SLC2A13: variants seen among roughly 807,000 people sequenced by gnomAD.
SLC2A13 encodes proton myo-inositol cotransporter.
SLC2A13 carries 32 observed loss-of-function variants against 64.4 expected under a neutral mutation model. The ratio of observed to expected loss-of-function variants is 0.50; its 90% CI spans 0.37 to 0.67. The LOEUF (loss-of-function observed/expected upper bound fraction) is 0.67, where lower values mean the gene tolerates loss of function less well. Among genes scored for constraint, SLC2A13 ranks in the 30% least tolerant of loss-of-function variants. SLC2A13 has a pLI of 0.00. For missense variants in SLC2A13, 743 were observed against 829.2 expected (o/e 0.90, Z 1.28); for synonymous variants, 338 against 327.1 (o/e 1.03, Z -0.36).
At chr12:40,076,187 A>G (rs959527783) in intron 1 of SLC2A13, among the ~76,000 whole-genome samples, 7 of 152,142 alleles carry the variant, frequency 4.6e-5, no homozygotes, top group African/African-American at 1.7e-4. Flanking sequence ...TGTTTTCTTA[A>G]AAGTGCAGGT....
intron 3 of SLC2A13, among the ~76,000 whole-genome samples, chr12:39,998,563 C>T (rs965945303): frequency 3.9e-5 from 6 of 152,178 alleles, no homozygotes; most frequent in Non-Finnish European, 8.8e-5. Context: ...TGTGTGAGAC[C>T]TGTAGCCCCT....
chr12:39,891,751 G>A (rs969815701), intron 4 of SLC2A13, among the ~76,000 whole-genome samples: 1 of 152,144 alleles, frequency 6.6e-6, no homozygotes, highest in Non-Finnish European at 1.5e-5. Context: ...CTCAGATCAG[G>A]GCTCAGTCCC....
intron 6 of SLC2A13, among the ~76,000 whole-genome samples, chr12:39,840,301 T>C (rs1022566032): frequency 1.3e-5 from 2 of 152,082 alleles, no homozygotes; most frequent in African/African-American, 4.8e-5. Context: ...AGCTGGGCTC[T>C]TCCAATAGTC....
intron 5 of SLC2A13, among the ~76,000 whole-genome samples, chr12:39,869,889 G>A (rs901752264): frequency 1.3e-5 from 2 of 152,214 alleles, no homozygotes; most frequent in African/African-American, 4.8e-5. Context: ...GTGTCAGGTA[G>A]TATTTGAAAT....
intron 3 of SLC2A13, among the ~76,000 whole-genome samples, chr12:39,961,084 T>C (rs374389045): frequency 1.5e-3 from 223 of 151,492 alleles, no homozygotes; most frequent in African/African-American, 5.2e-3. Context: ...TTTCTTTTTT[T>C]TTTTTTTACT....
chr12:39,996,591 C>T (rs1469441142), intron 3 of SLC2A13, among the ~76,000 whole-genome samples: 1 of 152,164 alleles, frequency 6.6e-6, no homozygotes, highest in Non-Finnish European at 1.5e-5. Context: ...TGGGCTGGGC[C>T]CCCCGCCCCA....
chr12:39,764,617 G>A lies in SLC2A13; in HGVS notation c.1568-5C>T. 6.3e-7 allele frequency: 1 copy of A among 1,582,848 alleles called. No individual in the cohort carries two copies. The highest frequency in any genetic ancestry group is 8.5e-7 in the Non-Finnish European group (1 of 1,170,146). The stretch of plus-strand genomic sequence containing the variant: ...TCCAAGGCATTGGTCCCATTCCTGA[G>A]AAATAAAACATTAAAAACTTTAGTA... On this transcript the variant is annotated splice_polypyrimidine_tract_variant and splice_region_variant and intron_variant, in intron 8 of 9. Transcript: ENST00000280871.
intron 2 of SLC2A13, among the ~76,000 whole-genome samples, chr12:40,047,709 A>G (rs1948191953): frequency 6.6e-6 from 1 of 152,222 alleles, no homozygotes; most frequent in African/African-American, 2.4e-5. Flanking sequence ...TGTAGTTCAT[A>G]AACAGCTTGT....
Position 40,050,409 on chromosome 12 carries a change from C to T in SLC2A13, c.557-2199G>A, listed in dbSNP as rs149322562. Among the ~76,000 whole-genome samples the T allele has an allele frequency of 1.3e-3, 197 of 152,102 alleles. 2 individuals are homozygous for T. The highest frequency in any genetic ancestry group is 4.2e-3 in the African/African-American group (176 of 41,490). On this transcript the variant is annotated intron_variant, in intron 1 of 9. Coordinates refer to ENST00000280871, the MANE Select transcript of SLC2A13 (RefSeq NM_052885.4). ...TATGTCCTCAGACCCTGATAAAGTT[C>T]GATTATTTAAAACAAACACCAGAGC... is the stretch of plus-strand genomic sequence containing the variant.
At chr12:39,838,256 C>A (rs1272131792) in intron 6 of SLC2A13, among the ~76,000 whole-genome samples, 2 of 149,650 alleles carry the variant, frequency 1.3e-5, no homozygotes, top group African/African-American at 4.9e-5. Flanking sequence ...AAACCAAACA[C>A]CGCATATTCT....
At chr12:39,800,260 A>C (rs907433133) in intron 7 of SLC2A13, among the ~76,000 whole-genome samples, 1 of 152,212 alleles carries the variant, frequency 6.6e-6, no homozygotes, top group Non-Finnish European at 1.5e-5. Context: ...ATCTCTTCTG[A>C]GAATAATATA....
chr12:39,790,011 A>G (rs1201867933), intron 7 of SLC2A13, among the ~76,000 whole-genome samples: 1 of 152,044 alleles, frequency 6.6e-6, no homozygotes, highest in Non-Finnish European at 1.5e-5. Context: ...GTAAAAGGAA[A>G]CAGGTGAAGT....
At chr12:40,067,082 T>A (rs989793605) in intron 1 of SLC2A13, among the ~76,000 whole-genome samples, 12 of 152,206 alleles carry the variant, frequency 7.9e-5, no homozygotes, top group African/African-American at 2.4e-4. Flanking sequence ...GAAAATGACT[T>A]ACCTGGTTCC....
In SLC2A13 at chr12:40,028,554, C is replaced by A. The variant is rs765289876; in HGVS notation, c.717-45G>T. 8.2e-6 allele frequency: 13 copies of A among 1,583,134 alleles called. No individual in the cohort carries two copies. The African/African-American group carries it at 1.6e-4, about 20-fold the overall frequency. On this transcript the variant is annotated intron_variant, in intron 2 of 9. Coordinates refer to ENST00000280871, the MANE Select transcript of SLC2A13 (RefSeq NM_052885.4). ...ACATTTACTGTAAAATTTGCTCTTA[C>A]CATCATGTGCTCACCACATACTTTT...
chr12:39,782,465 T>A (rs1270005061), intron 7 of SLC2A13, among the ~76,000 whole-genome samples: 1 of 152,176 alleles, frequency 6.6e-6, no homozygotes, highest in East Asian at 1.9e-4. Context: ...CCACGTAAGA[T>A]GTGCCCTTTG....
chr12:39,845,009 T>C (rs1000084068), intron 6 of SLC2A13, among the ~76,000 whole-genome samples: 3 of 152,002 alleles, frequency 2.0e-5, no homozygotes, highest in Non-Finnish European at 4.4e-5. Context: ...AGTGACCACT[T>C]GATAAAGTTA....
At chr12:40,043,223 A>G (rs1948121648) in intron 2 of SLC2A13, among the ~76,000 whole-genome samples, 1 of 152,168 alleles carries the variant, frequency 6.6e-6, no homozygotes, top group Non-Finnish European at 1.5e-5. Flanking sequence ...CACTTACTAT[A>G]TATTTACTGA....
chr12:39,764,289 CTT>C (rs1940269315), intron 9 of SLC2A13, among the ~76,000 whole-genome samples, 169 bp downstream of exon 9: 1 of 152,042 alleles, frequency 6.6e-6, no homozygotes, highest in South Asian at 2.1e-4. Context: ...GAATCCCTCT[CTT>C]CTTTCCCAGA....
intron 9 of SLC2A13, 89 bp downstream of exon 9, chr12:39,764,371 A>G (rs1940272587): frequency 8.4e-7 from 1 of 1,192,870 alleles, no homozygotes; most frequent in Non-Finnish European, 1.1e-6. Context: ...ATATAACCAC[A>G]TAGTCTCAAT....
Sources: gnomAD v4.1 joint callset for allele counts (sites outside exome capture counted in the v4.1 genomes callset) on GRCh38, gnomAD v4.1.1 for gene constraint, MANE v1.5 for transcripts, NCBI Gene and HGNC (gene_info 2026-07-23, HGNC 2026-07-21) for gene names.